Variants in RBFOX1 observed in about 807,000 individuals in gnomAD.
The protein encoded by RBFOX1 is RNA binding fox-1 homolog 1, also known as RNA binding protein fox-1 homolog 1.
A neutral mutation model predicts 57.7 loss-of-function variants in RBFOX1; 8 were observed. The ratio of observed to expected loss-of-function variants is 0.14; its 90% confidence interval spans 0.08 to 0.25. RBFOX1 has a LOEUF of 0.25. Among genes scored for constraint, RBFOX1 ranks in the 10% least tolerant of loss-of-function variants. The pLI, the probability that RBFOX1 is intolerant of heterozygous loss-of-function variation, is 1.00. For synonymous variants in RBFOX1, 326 were observed against 222.4 expected (o/e 1.47, Z -4.15); for missense variants, 611 against 548.5 (o/e 1.11, Z -1.14).
chr16:6,059,119 G>A (rs932623568), intron 1 of RBFOX1: 1 of 152,096 alleles, frequency 6.6e-6, no homozygotes, highest in South Asian at 2.1e-4. Flanking sequence ...GCATATATAG[G>A]GTTAGGTTTG....
rs988042921 is a variant in RBFOX1, at chr16:6,143,981, A to ATATC, written c.-127+123990_-127+123991insATCT. Among the ~76,000 whole-genome samples, 171 of 149,782 alleles carry ATATC rather than the reference A, an allele frequency of 1.1e-3. 2 individuals are homozygous for ATATC. Among genetic ancestry groups the ATATC allele is most frequent in the Non-Finnish European group, 2.1e-4 (14 of 67,638 alleles). On this transcript the variant is annotated intron_variant, in intron 1 of 15. Transcript: ENST00000550418. ...CAGCTATATATATATATATATATATATCTCTACCTACCTACCTATGTTGTC... is the reference window on the plus strand; with the variant it reads ...CAGCTATATATATATATATATATATATATCTCTCTACCTACCTACCTATGTTGTC...
At chr16:5,555,343 T>A (rs1315999315) in intron 2 of RBFOX1, among the ~76,000 whole-genome samples, 1 of 152,048 alleles carries the variant, frequency 6.6e-6, no homozygotes, top group Non-Finnish European at 1.5e-5. Context: ...AACCTACACC[T>A]CCTGGGCTCA....
chr16:6,473,672 A>G (rs942629382), intron 2 of RBFOX1, among the ~76,000 whole-genome samples: 13 of 152,308 alleles, frequency 8.5e-5, no homozygotes, highest in African/African-American at 2.9e-4. Flanking sequence ...GGAGTCAGAC[A>G]TCCTCACTTG....
chr16:7,573,977 C>T lies in RBFOX1; in HGVS notation c.271-5800C>T, dbSNP rs188073640. ...GGAATGTGCATTCTAGATGGTTTGT[C>T]CTATTAGCAAGTTTCCTAGCTTTTT... On this transcript the variant is annotated intron_variant, in intron 5 of 15. Coordinates refer to ENST00000550418, the MANE Select transcript of RBFOX1 (RefSeq NM_018723.4). Among the ~76,000 whole-genome samples the T allele has an allele frequency of 1.7e-3, 262 of 152,222 alleles. 2 individuals are homozygous for T. The highest frequency in any genetic ancestry group is 2.7e-3 in the Admixed American group (42 of 15,294).
intron 3 of RBFOX1, among the ~76,000 whole-genome samples, chr16:6,798,201 A>T (rs2084541423): frequency 6.6e-6 from 1 of 152,184 alleles, no homozygotes; most frequent in Admixed American, 6.5e-5. Flanking sequence ...TGTCCCTAAG[A>T]GAAACTGGAG....
chr16:6,176,611 G>C (rs187307392), intron 1 of RBFOX1, among the ~76,000 whole-genome samples: 118 of 152,160 alleles, frequency 7.8e-4, no homozygotes, highest in African/African-American at 2.6e-3. Context: ...CACATGGTAA[G>C]GGTGCAGTAA....
At chr16:7,644,043 G>A (rs1254403005) in intron 11 of RBFOX1, among the ~76,000 whole-genome samples, 1 of 152,162 alleles carries the variant, frequency 6.6e-6, no homozygotes, top group African/African-American at 2.4e-5. Flanking sequence ...CAGGCAATAG[G>A]AGGGAATCCA....
intron 1 of RBFOX1, among the ~76,000 whole-genome samples, chr16:6,249,771 T>C (rs1252768091): frequency 1.7e-4 from 10 of 60,466 alleles, no homozygotes; most frequent in South Asian, 1.0e-3. Context: ...ACATTTTTTT[T>C]CTTTTTTTTT....
rs574832071 is a variant in RBFOX1 at position 5,728,593 on chromosome 16, T to C, written c.318+129632T>C. 3.9e-5 allele frequency among the ~76,000 whole-genome samples: 6 copies of C among 152,202 alleles called. No homozygotes were observed. The East Asian group carries it at 7.7e-4, about 20-fold the overall frequency. On this transcript the variant is annotated intron_variant, in intron 3 of 19. Coordinates refer to the RBFOX1 transcript ENST00000641259. ...GCGGGAACACCATTCTCTGATGCCATTTATCTTCTCTGATTGTCACTCCTC... is the reference window on the plus strand; with the variant it reads ...GCGGGAACACCATTCTCTGATGCCACTTATCTTCTCTGATTGTCACTCCTC...
chr16:6,320,287 A>G (rs1317418943), intron 2 of RBFOX1, among the ~76,000 whole-genome samples: 6 of 152,150 alleles, frequency 3.9e-5, no homozygotes, highest in Non-Finnish European at 8.8e-5. Context: ...CTAATTCCCT[A>G]CATGCCACAT....
chr16:7,074,831 T>G (rs1270678765), intron 4 of RBFOX1, among the ~76,000 whole-genome samples: 1 of 152,054 alleles, frequency 6.6e-6, no homozygotes. Context: ...GGAAAAGAGA[T>G]CTATATTTGT....
intron 4 of RBFOX1, among the ~76,000 whole-genome samples, chr16:7,447,908 C>T (rs9944391): frequency 0.36 from 55,486 of 152,098 alleles, 10,754 homozygotes; most frequent in Non-Finnish European, 0.44. Context: ...AGGGGAGGGG[C>T]CAACAGGCAT....
chr16:7,619,644 G>A (rs1004094162), intron 10 of RBFOX1, among the ~76,000 whole-genome samples: 9 of 152,144 alleles, frequency 5.9e-5, no homozygotes, highest in Non-Finnish European at 8.8e-5. Flanking sequence ...CAGCTTTTTA[G>A]GCTCTTACAG....
At position 7,712,496 on chromosome 16, in the gene RBFOX1, G is replaced by C. The variant is rs2084145821; in HGVS notation, c.*1751G>C. 1 of 152,376 alleles carries C rather than the reference G, an allele frequency of 6.6e-6. No individual in the cohort carries two copies. The allele number at this position is 152,376 out of a possible 1,614,324, so 9.4% of individuals were successfully genotyped here. A position where few individuals can be genotyped will look rare whatever the true frequency, so the allele number is the denominator to read the frequency against. On this transcript the variant is annotated 3_prime_UTR_variant, in exon 16 of 16. Coordinates refer to ENST00000550418, the MANE Select transcript of RBFOX1 (RefSeq NM_018723.4). Reference sequence around the variant, plus strand: ...CCATCAATAAAGTTTCACAAGATTTGAAAACAAAGTTTCTGTAGCTTCGAT... The same window carrying C: ...CCATCAATAAAGTTTCACAAGATTTCAAAACAAAGTTTCTGTAGCTTCGAT...
At chr16:7,424,302 C>G (rs2098583871) in intron 4 of RBFOX1, among the ~76,000 whole-genome samples, 1 of 151,972 alleles carries the variant, frequency 6.6e-6, no homozygotes, top group Admixed American at 6.6e-5. Flanking sequence ...CTCTGTCACC[C>G]AGGCTGGAGT....
intron 3 of RBFOX1, among the ~76,000 whole-genome samples, chr16:6,663,860 G>A (rs929349898): frequency 3.3e-5 from 5 of 152,234 alleles, no homozygotes; most frequent in Admixed American, 6.5e-5. Flanking sequence ...TGGAGGTTGA[G>A]CATGGCATGA....
chr16:5,821,907 G>C (rs2055871244), intron 3 of RBFOX1, among the ~76,000 whole-genome samples: 1 of 152,164 alleles, frequency 6.6e-6, no homozygotes, highest in East Asian at 1.9e-4. Context: ...TTCATGGCCT[G>C]ATCACCTCCT....
chr16:6,153,683 C>T (rs1416098256), intron 1 of RBFOX1, among the ~76,000 whole-genome samples: 1 of 152,036 alleles, frequency 6.6e-6, no homozygotes, highest in Non-Finnish European at 1.5e-5. Flanking sequence ...TTACAGGTGC[C>T]CACCACCATG....
intron 3 of RBFOX1, among the ~76,000 whole-genome samples, chr16:6,882,474 A>G (rs1356527440): frequency 6.6e-6 from 1 of 152,064 alleles, no homozygotes; most frequent in Non-Finnish European, 1.5e-5. Context: ...CGTGCTTGTA[A>G]TCCCAGCTAC....
Sources: allele counts gnomAD v4.1 joint callset (sites outside exome capture counted in the v4.1 genomes callset), GRCh38; gene constraint gnomAD v4.1.1; transcripts MANE v1.5; gene names NCBI Gene and HGNC (gene_info 2026-07-23, HGNC 2026-07-21).